Variants in MYRIP observed in about 807,000 individuals in gnomAD.
The protein encoded by MYRIP is myosin VIIA and Rab interacting protein.
In MYRIP, 49 loss-of-function variants were observed where a neutral mutation model predicts 98.0. The observed-to-expected ratio is 0.50, with a 90% CI of 0.40 to 0.63. The LOEUF is 0.63. Among genes scored for constraint, MYRIP ranks in the 30% least tolerant of loss-of-function variants. MYRIP has a pLI of 0.00. For missense variants in MYRIP, 1,004 were observed against 1,058.2 expected, an observed-to-expected ratio of 0.95 and a Z score of 0.71; for synonymous variants, 404 against 409.5, an observed-to-expected ratio of 0.99 and a Z score of 0.16.
At chr3:40,166,206 G>A (rs1015881402) in intron 5 of MYRIP, among the ~76,000 whole-genome samples, 1 of 152,130 alleles carries the variant, frequency 6.6e-6, no homozygotes, top group Non-Finnish European at 1.5e-5. Context: ...ATTGTCCTTA[G>A]TACATTTAAT....
At chr3:39,958,265 C>T (rs1031354690) in intron 2 of MYRIP, among the ~76,000 whole-genome samples, 1 of 152,144 alleles carries the variant, frequency 6.6e-6, no homozygotes, top group Non-Finnish European at 1.5e-5. Context: ...ATCACGCTAC[C>T]TGACTTCAAA....
intron 2 of MYRIP, among the ~76,000 whole-genome samples, chr3:39,909,332 A>G (rs547730046): frequency 5.8e-4 from 89 of 152,320 alleles, no homozygotes; most frequent in African/African-American, 2.0e-3. Context: ...GCCAATATTA[A>G]TCCAAAGCTG....
intron 3 of MYRIP, among the ~76,000 whole-genome samples, chr3:40,068,911 T>C (rs1454754341): frequency 6.6e-6 from 1 of 152,210 alleles, no homozygotes; most frequent in Non-Finnish European, 1.5e-5. Context: ...ATCATGCTTT[T>C]GTGGACACTG....
intron 11 of MYRIP, among the ~76,000 whole-genome samples, chr3:40,218,612 TTA>T (rs751894190): frequency 9.1e-3 from 123 of 13,554 alleles, no homozygotes; most frequent in Admixed American, 0.022. Context: ...TATATATATT[TTA>T]TATATATATA....
chr3:40,023,254 A>G (rs1318108558), intron 2 of MYRIP, among the ~76,000 whole-genome samples: 2 of 152,228 alleles, frequency 1.3e-5, no homozygotes, highest in African/African-American at 4.8e-5. Context: ...GGATTTGACA[A>G]TACGTGACTT....
Position 39,979,650 on chromosome 3 carries a change from C to CA in MYRIP, c.111-64396dup, listed in dbSNP as rs1400253573. Among the ~76,000 whole-genome samples, 454 of 78,988 alleles carry CA rather than the reference C, an allele frequency of 5.7e-3. 2 individuals carry two copies. The highest frequency in any genetic ancestry group is 9.4e-3 in the Non-Finnish European group (316 of 33,644). The allele number at this position is 78,988 out of a possible 152,430, so 51.8% of individuals were successfully genotyped here. On this transcript the variant is annotated intron_variant, in intron 2 of 16. Coordinates refer to ENST00000302541, the MANE Select transcript of MYRIP (RefSeq NM_015460.4). ...TGAAACTACATCTCAAAAACCAAAA[C>CA]AAAACAAAAAAAAAAAAACAAAAAA...
At chr3:40,146,644 GC>G (rs898388640) in intron 3 of MYRIP, among the ~76,000 whole-genome samples, 8 of 152,120 alleles carry the variant, frequency 5.3e-5, no homozygotes, top group African/African-American at 1.9e-4. Context: ...AGCCCCTTCA[GC>G]ACCAACAGCT....
chr3:40,247,680 C>T (rs558619063), intron 13 of MYRIP, among the ~76,000 whole-genome samples: 6 of 152,290 alleles, frequency 3.9e-5, no homozygotes, highest in Admixed American at 3.3e-4. Flanking sequence ...CGCACCACCA[C>T]GTCCAGCTAA....
intron 2 of MYRIP, among the ~76,000 whole-genome samples, chr3:39,986,398 T>C (rs960321028): frequency 2.0e-5 from 3 of 152,042 alleles, no homozygotes; most frequent in Non-Finnish European, 2.9e-5. Context: ...TGTCTCTCTC[T>C]TTCTCTCTCT....
intron 10 of MYRIP, among the ~76,000 whole-genome samples, chr3:40,193,155 G>A (rs1951289775): frequency 6.6e-6 from 1 of 152,170 alleles, no homozygotes; most frequent in South Asian, 2.1e-4. Context: ...AAGGCACACA[G>A]ACCTAGGCAT....
chr3:39,979,467 C>T (rs1453714428), intron 2 of MYRIP, among the ~76,000 whole-genome samples: 3 of 151,756 alleles, frequency 2.0e-5, no homozygotes, highest in African/African-American at 4.8e-5. Context: ...GGAGAAACCC[C>T]GTCTCTACTA....
chr3:39,993,392 G>A (rs774690502), intron 2 of MYRIP, among the ~76,000 whole-genome samples: 10 of 152,060 alleles, frequency 6.6e-5, no homozygotes, highest in Non-Finnish European at 1.3e-4. Context: ...TAGTCTTTTT[G>A]TCCTTTCTGC....
chr3:40,203,769 T>A (rs34728109), intron 10 of MYRIP, among the ~76,000 whole-genome samples: 57 of 758 alleles, frequency 0.075, 4 homozygotes, highest in South Asian at 0.2. Context: ...ATTTATATAT[T>A]TTTATATATT....
At chr3:40,080,041 A>G (rs1270494811) in intron 3 of MYRIP, among the ~76,000 whole-genome samples, 3 of 152,218 alleles carry the variant, frequency 2.0e-5, no homozygotes, top group Admixed American at 2.0e-4. Context: ...AGTCATCACT[A>G]ACAACCTTGG....
intron 3 of MYRIP, among the ~76,000 whole-genome samples, chr3:40,065,756 G>T (rs924285854): frequency 6.6e-6 from 1 of 152,112 alleles, no homozygotes; most frequent in Non-Finnish European, 1.5e-5. Context: ...TGGCTCTGTT[G>T]TCCCCCATCT....
chr3:39,950,205 A>G (rs1490203473), intron 2 of MYRIP, among the ~76,000 whole-genome samples: 1 of 152,172 alleles, frequency 6.6e-6, no homozygotes, highest in Non-Finnish European at 1.5e-5. Flanking sequence ...AGAGCACAGT[A>G]CTTTGCACAT....
chr3:40,028,262 T>G (rs1947181134), intron 2 of MYRIP, among the ~76,000 whole-genome samples: 1 of 152,122 alleles, frequency 6.6e-6, no homozygotes, highest in African/African-American at 2.4e-5. Context: ...AGAAGGAGAC[T>G]ACACCAGATG....
chr3:39,818,730 G>GA (rs1406723308), intron 1 of MYRIP, among the ~76,000 whole-genome samples: 1 of 152,146 alleles, frequency 6.6e-6, no homozygotes, highest in Non-Finnish European at 1.5e-5. Flanking sequence ...AGAAACTCTT[G>GA]AAGATATATG....
At chr3:40,070,015 A>C (rs543671362) in intron 3 of MYRIP, among the ~76,000 whole-genome samples, 26 of 152,184 alleles carry the variant, frequency 1.7e-4, no homozygotes, top group Non-Finnish European at 3.1e-4. Context: ...CATAGACATA[A>C]ATTTTTAAAT....
Sources: gnomAD v4.1 joint callset for allele counts (sites outside exome capture counted in the v4.1 genomes callset) on GRCh38, gnomAD v4.1.1 for gene constraint, MANE v1.5 for transcripts, NCBI Gene and HGNC (gene_info 2026-07-23, HGNC 2026-07-21) for gene names.